Variants in CLCN5 observed in about 807,000 individuals in gnomAD.
CLCN5 encodes Cl-/H+ antiporter 5.
A neutral mutation model predicts 54.0 loss-of-function variants in CLCN5; 17 were observed. The observed-to-expected ratio is 0.31, with a 90% CI of 0.22 to 0.47. The LOEUF is 0.47. Ranked by LOEUF, CLCN5 falls within the 20% of genes least tolerant of loss-of-function variation. The pLI, the probability that CLCN5 is intolerant of heterozygous loss-of-function variation, is 1.00. For synonymous variants in CLCN5, 222 were observed against 233.0 expected, an observed-to-expected ratio of 0.95 and a Z score of 0.43; for missense variants, 448 against 646.7, an observed-to-expected ratio of 0.69 and a Z score of 3.33.
intron 3 of CLCN5, among the ~76,000 whole-genome samples, chrX:49,993,290 A>G (rs1399012850): frequency 8.9e-6 from 1 of 112,029 alleles, no homozygotes; most frequent in Non-Finnish European, 1.9e-5. Context: ...TTCAAGGGGG[A>G]AAAAGCAGTT....
intron 3 of CLCN5, among the ~76,000 whole-genome samples, chrX:49,998,161 G>A (rs1166466898): frequency 9.0e-6 from 1 of 110,887 alleles, no homozygotes; most frequent in Non-Finnish European, 1.9e-5. Context: ...AGGGACTCCC[G>A]CCCTCCCCAT....
chrX:49,979,037 G>A (rs1928608789), intron 3 of CLCN5, among the ~76,000 whole-genome samples: 1 of 111,087 alleles, frequency 9.0e-6, no homozygotes, highest in Non-Finnish European at 1.9e-5. Flanking sequence ...CACAGGATGG[G>A]GGCCAACTTT....
intron 4 of CLCN5, among the ~76,000 whole-genome samples, chrX:50,066,510 A>C (rs1364403197): frequency 8.9e-6 from 1 of 112,256 alleles, no homozygotes; most frequent in Non-Finnish European, 1.9e-5. Context: ...TTATTACAGC[A>C]CACTGTGACT....
At chrX:49,928,601 A>C (rs1557168374) in intron 3 of CLCN5, among the ~76,000 whole-genome samples, 2 of 111,803 alleles carry the variant, frequency 1.8e-5, no homozygotes, top group African/African-American at 6.5e-5. Flanking sequence ...TGGGTCTTTA[A>C]GTAGAAGTTT....
intron 3 of CLCN5, among the ~76,000 whole-genome samples, chrX:49,962,539 T>A (rs1927648369): frequency 9.0e-6 from 1 of 111,680 alleles, no homozygotes; most frequent in African/African-American, 3.3e-5. Flanking sequence ...AACTGATCCC[T>A]GCATTTCTTA....
At chrX:50,053,184 A>G (rs782078772) in intron 4 of CLCN5, among the ~76,000 whole-genome samples, 9 of 111,791 alleles carry the variant, frequency 8.1e-5, no homozygotes, top group Non-Finnish European at 1.5e-4. Context: ...ATAAATGTCA[A>G]TTATATTCAG....
chrX:50,044,322 A>G (rs1167562985), intron 4 of CLCN5, among the ~76,000 whole-genome samples: 1 of 111,855 alleles, frequency 8.9e-6, no homozygotes, highest in Non-Finnish European at 1.9e-5. Context: ...CATAGAAAAG[A>G]TGTTTTGGAG....
At chrX:49,958,290 C>G (rs1927430989) in intron 3 of CLCN5, among the ~76,000 whole-genome samples, 1 of 110,979 alleles carries the variant, frequency 9.0e-6, no homozygotes, top group South Asian at 3.8e-4. Flanking sequence ...CCAGTTGTTG[C>G]ATTTAGCAAT....
At chrX:50,007,998 A>G (rs1930288692) in intron 3 of CLCN5, among the ~76,000 whole-genome samples, 1 of 112,111 alleles carries the variant, frequency 8.9e-6, no homozygotes, top group South Asian at 3.7e-4. Context: ...CAGTAGCATC[A>G]GTATCACCTG....
intron 4 of CLCN5, among the ~76,000 whole-genome samples, chrX:50,052,837 A>G (rs1356345489): frequency 1.8e-5 from 2 of 112,187 alleles, no homozygotes; most frequent in Non-Finnish European, 3.8e-5. Context: ...ACCACAAAAA[A>G]TAAGCATGTG....
At chrX:49,973,559 T>G in intron 3 of CLCN5, among the ~76,000 whole-genome samples, 1 of 108,113 alleles carries the variant, frequency 9.2e-6, no homozygotes, top group South Asian at 4.3e-4. Flanking sequence ...ACAGCTTTAT[T>G]GAGATATAAT....
At chrX:49,953,747 T>C (rs897707533) in intron 3 of CLCN5, among the ~76,000 whole-genome samples, 3 of 112,357 alleles carry the variant, frequency 2.7e-5, no homozygotes, top group Non-Finnish European at 5.6e-5. Context: ...TAAATCTTTC[T>C]GTATATACTT....
intron 3 of CLCN5, among the ~76,000 whole-genome samples, chrX:49,948,818 A>G (rs1258086357): frequency 8.9e-6 from 1 of 112,205 alleles, no homozygotes; most frequent in African/African-American, 3.2e-5. Context: ...AACATTAAAT[A>G]TATCATGGGT....
chrX:49,926,091 G>A (rs782513885), intron 3 of CLCN5, among the ~76,000 whole-genome samples: 13 of 112,506 alleles, frequency 1.2e-4, no homozygotes, highest in Non-Finnish European at 2.2e-4. Flanking sequence ...CTTAAATGGA[G>A]TGGAATGAAA....
At chrX:49,923,125 C>T (rs1224061544) in intron 1 of CLCN5, among the ~76,000 whole-genome samples, 2 of 113,300 alleles carry the variant, frequency 1.8e-5, no homozygotes, top group Non-Finnish European at 3.7e-5. Flanking sequence ...TAGCCGCCTG[C>T]GTCCCCTTTC....
intron 5 of CLCN5, among the ~76,000 whole-genome samples, chrX:50,071,405 C>T (rs1933219112): frequency 8.9e-6 from 1 of 112,059 alleles, no homozygotes; most frequent in Admixed American, 9.5e-5. Context: ...AGAATTTCTG[C>T]CATCTGTAAT....
intron 3 of CLCN5, among the ~76,000 whole-genome samples, chrX:49,966,612 ATTTTTTTATTTTTTTT>A (rs1927896998): frequency 5.2e-5 from 1 of 19,090 alleles, no homozygotes; most frequent in Non-Finnish European, 7.2e-5. Context: ...TTTTTTTTTT[ATTTTTTTATTTTTTTT>A]ATTATACTCT....
At chrX:50,076,730 T>TA (rs1312537016) in intron 7 of CLCN5, among the ~76,000 whole-genome samples, 2 of 111,554 alleles carry the variant, frequency 1.8e-5, no homozygotes, top group African/African-American at 6.5e-5. Context: ...AATGGAGTCT[T>TA]ACTATGTTGC....
intron 3 of CLCN5, among the ~76,000 whole-genome samples, chrX:49,969,658 C>T (rs894965545): frequency 9.0e-6 from 1 of 111,646 alleles, no homozygotes; most frequent in African/African-American, 3.3e-5. Flanking sequence ...CTTTTAAATT[C>T]GTTCAGACTT....
Sources: gnomAD v4.1 joint callset for allele counts (sites outside exome capture counted in the v4.1 genomes callset) on GRCh38, gnomAD v4.1.1 for gene constraint, MANE v1.5 for transcripts, NCBI Gene and HGNC (gene_info 2026-07-23, HGNC 2026-07-21) for gene names.